The following DPH6 variants were observed in gnomAD, a reference collection of about 807,000 sequenced individuals.
DPH6 encodes diphthamine biosynthesis 6, also known as diphthine--ammonia ligase.
In DPH6, 33 loss-of-function variants were observed where a neutral mutation model predicts 38.2. The observed-to-expected ratio is 0.86, with a 90% CI of 0.65 to 1.15. The LOEUF (loss-of-function observed/expected upper bound fraction) is 1.15. Ranked by LOEUF, DPH6 falls within the 50% of genes most tolerant of loss-of-function variation. The probability of loss-of-function intolerance (pLI) is 0.00; values close to 1 mark genes in which losing one functional copy is unlikely to be tolerated. For missense variants in DPH6, 325 were observed against 320.0 expected, an observed-to-expected ratio of 1.02 and a Z score of -0.12; for synonymous variants, 108 against 103.0, an observed-to-expected ratio of 1.05 and a Z score of -0.30.
chr15:35,301,850 T>C (rs937898911), intron 3 of DPH6, among the ~76,000 whole-genome samples: 5 of 152,134 alleles, frequency 3.3e-5, no homozygotes, highest in African/African-American at 9.7e-5. Flanking sequence ...GGCATGTGCC[T>C]GTAATCCCAG....
intron 4 of DPH6, among the ~76,000 whole-genome samples, chr15:35,453,809 A>T: frequency 9.0e-4 from 1 of 1,108 alleles, no homozygotes; most frequent in African/African-American, 3.0e-3. Flanking sequence ...AAAATGAAAC[A>T]AGTGTTCAAA....
At chr15:35,228,635 C>T (rs1407383060) in intron 3 of DPH6, among the ~76,000 whole-genome samples, 2 of 152,268 alleles carry the variant, frequency 1.3e-5, no homozygotes, top group East Asian at 3.9e-4. Flanking sequence ...GCATGTTGCC[C>T]AGGCTGAACC....
At chr15:35,296,845 C>T (rs1025524612) in intron 3 of DPH6, among the ~76,000 whole-genome samples, 6 of 127,704 alleles carry the variant, frequency 4.7e-5, no homozygotes, top group Admixed American at 3.4e-4. Context: ...TCGCCCAGGC[C>T]GGACTGCGGA....
the DPH6 span, among the ~76,000 whole-genome samples, chr15:35,158,052 T>C: frequency 5.9e-5 from 9 of 152,234 alleles, no homozygotes; most frequent in Non-Finnish European, 1.0e-4. Context: ...ACTTAAATAC[T>C]ACCATATTCC....
chr15:35,415,162 C>A (rs1306102750), intron 5 of DPH6, among the ~76,000 whole-genome samples: 3 of 151,988 alleles, frequency 2.0e-5, no homozygotes, highest in African/African-American at 7.2e-5. Flanking sequence ...CTATGACTGC[C>A]ATGGGTTTGG....
chr15:35,170,410 A>G, the DPH6 span, among the ~76,000 whole-genome samples: 17 of 152,320 alleles, frequency 1.1e-4, no homozygotes, highest in African/African-American at 4.1e-4. Context: ...CTCTTGGAAA[A>G]TAAACGGTGG....
intron 3 of DPH6, among the ~76,000 whole-genome samples, chr15:35,479,064 C>A (rs1008709554): frequency 2.6e-5 from 4 of 152,004 alleles, no homozygotes; most frequent in African/African-American, 9.7e-5. Context: ...AGTCTCAAAC[C>A]TTCTGACAAA....
Position 35,371,014 on chromosome 15 carries a change from AAT to A in DPH6, c.*1134_*1135del, listed in dbSNP as rs1008058489. 6.6e-6 allele frequency: 1 copy of A among 151,686 alleles called. No individual in the cohort carries two copies. The highest frequency in any genetic ancestry group is 2.4e-5 in the African/African-American group (1 of 41,390). 9.4% of individuals were successfully genotyped at this position (151,686 alleles called of 1,614,324 possible). On this transcript the variant is annotated 3_prime_UTR_variant, in exon 9 of 9. Coordinates refer to ENST00000256538, the MANE Select transcript of DPH6 (RefSeq NM_080650.4). The stretch of plus-strand genomic sequence containing the variant: ...AAATTTTATTCTACACTAAAAAAAA[AAT>A]GAGCTACATATACATGACAAGATAC...
chr15:35,504,470 G>T (rs2054667874), intron 3 of DPH6, among the ~76,000 whole-genome samples: 1 of 150,356 alleles, frequency 6.7e-6, no homozygotes, highest in Admixed American at 6.7e-5. Context: ...CTCTTCTTCT[G>T]TATTTTCACA....
chr15:35,542,965 T>TATATATATATATATATATATATA lies in DPH6; in HGVS notation c.24-459_24-458insTATATATATATATATATATATAT, dbSNP rs58422347. Among the ~76,000 whole-genome samples, 36 of 76,156 alleles carry TATATATATATATATATATATATA rather than the reference T, an allele frequency of 4.7e-4. 1 individual carries two copies. The East Asian group carries it at 7.8e-3, about 16-fold the overall frequency. The allele number at this position is 76,156 out of a possible 152,430, so 50.0% of individuals were successfully genotyped here. A position where few individuals can be genotyped will look rare whatever the true frequency, so the allele number is the denominator to read the frequency against. ...TAAGGAATATATATATATATATATA[T>TATATATATATATATATATATATA]AAAATAATTTCATAGAAATTATTGG... On this transcript the variant is annotated intron_variant, in intron 1 of 8. Transcript: ENST00000256538.
At chr15:35,261,067 G>C (rs1287470015) in intron 3 of DPH6, among the ~76,000 whole-genome samples, 1 of 152,206 alleles carries the variant, frequency 6.6e-6, no homozygotes, top group East Asian at 1.9e-4. Context: ...TATTATATCA[G>C]TTCCTGTTGG....
intron 3 of DPH6, among the ~76,000 whole-genome samples, chr15:35,304,947 A>C (rs1027909751): frequency 2.0e-5 from 3 of 152,118 alleles, no homozygotes; most frequent in African/African-American, 7.2e-5. Context: ...TCTGCCCTAG[A>C]ATTGAAAATA....
chr15:35,326,610 A>AT (rs2052284617), downstream of DPH6, among the ~76,000 whole-genome samples: 1 of 151,854 alleles, frequency 6.6e-6, no homozygotes, highest in African/African-American at 2.4e-5. Context: ...TTTTAAAAAA[A>AT]TTTTTTGTAG....
At chr15:35,204,305 A>C in the DPH6 span, among the ~76,000 whole-genome samples, 8 of 151,786 alleles carry the variant, frequency 5.3e-5, no homozygotes, top group Non-Finnish European at 1.2e-4. Flanking sequence ...AGTCCAAATA[A>C]CTCAGGGCTA....
chr15:35,470,102 G>A (rs967955324), intron 3 of DPH6, among the ~76,000 whole-genome samples: 5 of 152,158 alleles, frequency 3.3e-5, no homozygotes, highest in Admixed American at 6.5e-5. Flanking sequence ...GGAGGCTGAG[G>A]CAGGAGAATT....
downstream of DPH6, among the ~76,000 whole-genome samples, chr15:35,366,650 T>C (rs2052663963): frequency 1.3e-5 from 2 of 151,898 alleles, no homozygotes; most frequent in Non-Finnish European, 2.9e-5. Context: ...ACTATCCTCA[T>C]TCATACATAA....
intron 4 of DPH6, among the ~76,000 whole-genome samples, chr15:35,451,250 T>A (rs1437107197): frequency 6.6e-6 from 1 of 152,114 alleles, no homozygotes; most frequent in Non-Finnish European, 1.5e-5. Flanking sequence ...AATTTTTTTT[T>A]AAGAATTTGA....
At chr15:35,202,705 C>T in the DPH6 span, among the ~76,000 whole-genome samples, 1 of 151,794 alleles carries the variant, frequency 6.6e-6, no homozygotes, top group African/African-American at 2.4e-5. Context: ...TGTACAGCAT[C>T]GTTCTCTAAG....
At chr15:35,180,308 T>C in the DPH6 span, among the ~76,000 whole-genome samples, 3 of 151,990 alleles carry the variant, frequency 2.0e-5, no homozygotes. Context: ...CACATAGTAA[T>C]TGCACTAATT....
Sources: gnomAD v4.1 joint callset for allele counts (sites outside exome capture counted in the v4.1 genomes callset) on GRCh38, gnomAD v4.1.1 for gene constraint, MANE v1.5 for transcripts, NCBI Gene and HGNC (gene_info 2026-07-23, HGNC 2026-07-21) for gene names.